SLC39A11: variants seen among roughly 807,000 people sequenced by gnomAD.
SLC39A11 encodes zinc transporter ZIP11.
Under a neutral mutation model 36.1 loss-of-function variants are expected in SLC39A11, and 33 were observed. That is an observed-to-expected ratio of 0.91 (90% CI 0.69 to 1.22). SLC39A11 has a LOEUF of 1.22. Ranked by LOEUF, SLC39A11 falls within the 50% of genes most tolerant of loss-of-function variation. The probability of loss-of-function intolerance (pLI) is 0.00; values close to 1 mark genes in which losing one functional copy is unlikely to be tolerated. For synonymous variants in SLC39A11, 166 were observed against 170.3 expected (o/e 0.97, Z 0.20); for missense variants, 432 against 430.3 (o/e 1.00, Z -0.03).
At chr17:72,669,446 A>AT (rs1409739341) in intron 7 of SLC39A11, among the ~76,000 whole-genome samples, 2 of 152,112 alleles carry the variant, frequency 1.3e-5, no homozygotes, top group African/African-American at 2.4e-5. Flanking sequence ...CTGGCCAGCT[A>AT]TTTTGTAGAA....
intron 3 of SLC39A11, among the ~76,000 whole-genome samples, chr17:73,081,303 G>GA (rs2060502068): frequency 1.3e-5 from 2 of 152,030 alleles, no homozygotes; most frequent in African/African-American, 2.4e-5. Flanking sequence ...TGACCATAAT[G>GA]AAAAAATCAG....
At chr17:72,782,553 G>A (rs763385402) in intron 6 of SLC39A11, among the ~76,000 whole-genome samples, 129 of 152,074 alleles carry the variant, frequency 8.5e-4, no homozygotes, top group Non-Finnish European at 1.5e-3. Flanking sequence ...GCCAGGTGTG[G>A]TGGCGTACAG....
At chr17:72,803,795 G>A (rs1598803285) in intron 6 of SLC39A11, among the ~76,000 whole-genome samples, 1 of 152,200 alleles carries the variant, frequency 6.6e-6, no homozygotes, top group East Asian at 1.9e-4. Flanking sequence ...TCCCTGGATG[G>A]CCTTGAAGAG....
intron 4 of SLC39A11, among the ~76,000 whole-genome samples, chr17:73,002,596 G>A (rs567175004): frequency 1.3e-5 from 2 of 152,294 alleles, no homozygotes; most frequent in Admixed American, 6.5e-5. Flanking sequence ...ACAGAGCAGA[G>A]AGCAATGCCA....
intron 4 of SLC39A11, among the ~76,000 whole-genome samples, chr17:72,979,162 G>A (rs1278041530): frequency 6.6e-6 from 1 of 152,124 alleles, no homozygotes; most frequent in Non-Finnish European, 1.5e-5. Flanking sequence ...GGTTTTATAA[G>A]GGGCTCCTCC....
At chr17:72,773,665 ACACACACACACACC>A (rs1273193368) in intron 6 of SLC39A11, among the ~76,000 whole-genome samples, 1 of 150,992 alleles carries the variant, frequency 6.6e-6, no homozygotes, top group East Asian at 1.9e-4. Context: ...ACACACACAC[ACACACACACACACC>A]CAGTATATAA....
At chr17:72,692,487 A>C (rs980957288) in intron 7 of SLC39A11, among the ~76,000 whole-genome samples, 1 of 152,206 alleles carries the variant, frequency 6.6e-6, no homozygotes, top group Non-Finnish European at 1.5e-5. Flanking sequence ...GGCAAAAGGC[A>C]CTTCTTACAT....
intron 7 of SLC39A11, among the ~76,000 whole-genome samples, chr17:72,649,644 CTTTTTT>C (rs5821920): frequency 2.2e-5 from 3 of 138,200 alleles, no homozygotes; most frequent in South Asian, 4.5e-4. Context: ...TTTTCTTTTT[CTTTTTT>C]TTTTTTTTTG....
chr17:72,647,672 A>G lies in SLC39A11; in HGVS notation c.930-10T>C, dbSNP rs757198413. 8 of 1,612,684 alleles carry G rather than the reference A, an allele frequency of 5.0e-6. No homozygotes were observed. The highest frequency in any genetic ancestry group is 6.8e-6 in the Non-Finnish European group (8 of 1,178,956). ...CAGTTTCCCATTACCACTGGAAGAGAAGGACAGGAAGAAAAGTAAGACCTT... is the reference window on the plus strand; with the variant it reads ...CAGTTTCCCATTACCACTGGAAGAGGAGGACAGGAAGAAAAGTAAGACCTT... On this transcript the variant is annotated splice_polypyrimidine_tract_variant and intron_variant, in intron 9 of 9. Transcript: ENST00000255559.
chr17:72,831,470 G>A (rs1227031894), intron 6 of SLC39A11, among the ~76,000 whole-genome samples: 1 of 152,158 alleles, frequency 6.6e-6, no homozygotes, highest in Non-Finnish European at 1.5e-5. Flanking sequence ...AGAGGGTGGA[G>A]CTGGAATTAT....
At chr17:72,678,805 G>T (rs1300145301) in intron 7 of SLC39A11, among the ~76,000 whole-genome samples, 2 of 152,078 alleles carry the variant, frequency 1.3e-5, no homozygotes, top group Non-Finnish European at 2.9e-5. Flanking sequence ...TCTCAGAGAC[G>T]ACATCCAGGG....
chr17:72,863,016 G>A (rs1361523905), intron 5 of SLC39A11, among the ~76,000 whole-genome samples: 1 of 152,162 alleles, frequency 6.6e-6, no homozygotes, highest in Non-Finnish European at 1.5e-5. Flanking sequence ...GCAGATTCTT[G>A]GACTCCACAG....
At chr17:72,820,479 C>A (rs185238246) in intron 6 of SLC39A11, among the ~76,000 whole-genome samples, 88 of 151,360 alleles carry the variant, frequency 5.8e-4, no homozygotes, top group African/African-American at 2.0e-3. Context: ...AGCACCCTCA[C>A]AACCTCCCTT....
At chr17:72,665,389 G>GTTTTTTTTTTTTGTTTTT (rs2070690374) in intron 7 of SLC39A11, among the ~76,000 whole-genome samples, 1 of 76,636 alleles carries the variant, frequency 1.3e-5, no homozygotes, top group Non-Finnish European at 2.4e-5. Context: ...GTTTTGAGGT[G>GTTTTTTTTTTTTGTTTTT]TTTTTTTTTT....
At chr17:73,076,932 T>C (rs1020019254) in intron 3 of SLC39A11, among the ~76,000 whole-genome samples, 3 of 151,998 alleles carry the variant, frequency 2.0e-5, no homozygotes, top group African/African-American at 7.2e-5. Context: ...TTTGTAGTTG[T>C]GATGCCTCGT....
chr17:73,076,761 A>G (rs2060333275), intron 3 of SLC39A11, among the ~76,000 whole-genome samples: 1 of 151,916 alleles, frequency 6.6e-6, no homozygotes, highest in Non-Finnish European at 1.5e-5. Context: ...GTAGTGACCT[A>G]GGAGAAGTAA....
chr17:72,921,469 G>C (rs2083665487), intron 5 of SLC39A11, among the ~76,000 whole-genome samples: 1 of 152,060 alleles, frequency 6.6e-6, no homozygotes, highest in African/African-American at 2.4e-5. Context: ...AGAGTGGAGA[G>C]GAGAAAAAGA....
At chr17:72,661,866 G>A (rs952170935) in intron 7 of SLC39A11, among the ~76,000 whole-genome samples, 31 of 152,202 alleles carry the variant, frequency 2.0e-4, no homozygotes, top group Admixed American at 5.9e-4. Flanking sequence ...AAGTCAGCCG[G>A]AAGGCAGGGT....
chr17:72,968,676 T>A (rs2148016523), intron 4 of SLC39A11, among the ~76,000 whole-genome samples: 1 of 152,110 alleles, frequency 6.6e-6, no homozygotes, highest in Non-Finnish European at 1.5e-5. Context: ...GCTACAGAAC[T>A]CTACACAAAG....
Sources: gnomAD v4.1 joint callset for allele counts (sites outside exome capture counted in the v4.1 genomes callset) on GRCh38, gnomAD v4.1.1 for gene constraint, MANE v1.5 for transcripts, NCBI Gene and HGNC (gene_info 2026-07-23, HGNC 2026-07-21) for gene names.